CHP1: variants seen among roughly 807,000 people sequenced by gnomAD.
CHP1 encodes calcineurin like EF-hand protein 1.
In CHP1, 11 loss-of-function variants were observed where a neutral mutation model predicts 27.4. That is an observed-to-expected ratio of 0.40 (90% CI 0.25 to 0.67). The LOEUF (loss-of-function observed/expected upper bound fraction) is 0.67, where lower values mean the gene tolerates loss of function less well. Ranked by LOEUF, CHP1 falls within the 30% of genes least tolerant of loss-of-function variation. The probability of loss-of-function intolerance (pLI) is 0.38; values close to 1 mark genes in which losing one functional copy is unlikely to be tolerated. For missense variants in CHP1, 169 were observed against 251.3 expected (o/e 0.67, Z 2.22); for synonymous variants, 89 against 87.4 (o/e 1.02, Z -0.10).
intron 1 of CHP1, among the ~76,000 whole-genome samples, chr15:41,232,935 C>T (rs920950885): frequency 1.6e-4 from 24 of 152,186 alleles, no homozygotes; most frequent in African/African-American, 5.5e-4. Flanking sequence ...CCTTTCTGGA[C>T]TGGTTTGCTT....
intron 1 of CHP1, among the ~76,000 whole-genome samples, chr15:41,241,273 G>A (rs984777896): frequency 1.1e-4 from 16 of 152,208 alleles, no homozygotes; most frequent in Admixed American, 3.3e-4. Flanking sequence ...TAAAGAAAAC[G>A]GTTGTAACTG....
chr15:41,250,755 A>G (rs143768833), intron 2 of CHP1, among the ~76,000 whole-genome samples: 1 of 151,524 alleles, frequency 6.6e-6, no homozygotes, highest in Non-Finnish European at 1.5e-5. Flanking sequence ...TGAATAATAA[A>G]GAATACTTCA....
intron 4 of CHP1, 128 bp from the exon 5 acceptor site, chr15:41,270,429 T>C: frequency 1.5e-6 from 1 of 684,528 alleles, no homozygotes; most frequent in Non-Finnish European, 2.6e-6. Flanking sequence ...CTACAAGTAA[T>C]GGCAATTGTT....
chr15:41,260,343 T>C (rs1030841482), intron 3 of CHP1, among the ~76,000 whole-genome samples: 1 of 152,072 alleles, frequency 6.6e-6, no homozygotes, highest in African/African-American at 2.4e-5. Flanking sequence ...GAAAAGATTT[T>C]CTCCAAGCTT....
At chr15:41,255,656 G>T (rs904407790) in intron 2 of CHP1, among the ~76,000 whole-genome samples, 2 of 151,918 alleles carry the variant, frequency 1.3e-5, no homozygotes, top group Non-Finnish European at 2.9e-5. Context: ...GCCTGGGAGC[G>T]AAACTCCATC....
intron 1 of CHP1, 29 bp downstream of exon 1, chr15:41,231,478 G>T (rs751309535): frequency 7.0e-5 from 110 of 1,581,568 alleles, no homozygotes; most frequent in Non-Finnish European, 8.3e-5. Flanking sequence ...TGGGAACGCC[G>T]GGCGCCTCAG....
intron 5 of CHP1, among the ~76,000 whole-genome samples, chr15:41,271,745 C>G (rs1033453329): frequency 6.6e-6 from 1 of 152,180 alleles, no homozygotes; most frequent in Non-Finnish European, 1.5e-5. Context: ...GATTCAGGAG[C>G]AACCCAACGT....
chr15:41,263,285 G>A lies in CHP1; in HGVS notation c.349+402G>A, dbSNP rs187334686. Among the ~76,000 whole-genome samples the A allele has an allele frequency of 5.3e-5, 8 of 152,260 alleles. No individual in the cohort carries two copies. The East Asian group carries it at 1.5e-3, about 29-fold the overall frequency. On this transcript the variant is annotated intron_variant, in intron 4 of 6. Transcript: ENST00000334660. ...AGGCACTGTGTTAAGTGCTAGCATGGCAATAGTGAACAAGACCCAGGCCCC... is the reference window on the plus strand; with the variant it reads ...AGGCACTGTGTTAAGTGCTAGCATGACAATAGTGAACAAGACCCAGGCCCC...
intron 5 of CHP1, among the ~76,000 whole-genome samples, chr15:41,277,647 G>A (rs560057942): frequency 1.3e-5 from 2 of 152,266 alleles, no homozygotes; most frequent in East Asian, 3.9e-4. Context: ...AATTAGCTGG[G>A]TGTGGTGTCA....
chr15:41,245,334 G>T (rs1048392352), intron 2 of CHP1, among the ~76,000 whole-genome samples: 1 of 150,490 alleles, frequency 6.6e-6, no homozygotes, highest in East Asian at 1.9e-4. Context: ...GGTGGTGGGC[G>T]CCTGTGCGTG....
In CHP1 at chr15:41,280,362, G is replaced by T. The variant is rs1219997980; in HGVS notation, c.*973G>T. 6.6e-6 allele frequency: 1 copy of T among 152,516 alleles called. No individual in the cohort carries two copies. The highest frequency in any genetic ancestry group is 1.5e-5 in the Non-Finnish European group (1 of 68,052). The allele number at this position is 152,516 out of a possible 1,614,324, so 9.4% of individuals were successfully genotyped here. A position where few individuals can be genotyped will look rare whatever the true frequency, so the allele number is the denominator to read the frequency against. On this transcript the variant is annotated 3_prime_UTR_variant, in exon 7 of 7. Coordinates refer to ENST00000334660, the MANE Select transcript of CHP1 (RefSeq NM_007236.5). ...CTCATGGCTTTTATTTAATAAGGAG[G>T]CTGGGCACCCTATAAAGCCTCATGC... is the stretch of plus-strand genomic sequence containing the variant.
At chr15:41,233,168 C>A (rs956821272) in intron 1 of CHP1, among the ~76,000 whole-genome samples, 1 of 152,156 alleles carries the variant, frequency 6.6e-6, no homozygotes, top group Non-Finnish European at 1.5e-5. Flanking sequence ...CGTTTTGTGG[C>A]CATAACTTCT....
At chr15:41,260,353 T>G (rs1353344335) in intron 3 of CHP1, among the ~76,000 whole-genome samples, 1 of 151,806 alleles carries the variant, frequency 6.6e-6, no homozygotes, top group Non-Finnish European at 1.5e-5. Context: ...TCTCCAAGCT[T>G]AAGTACCAAA....
At chr15:41,256,723 A>C in intron 2 of CHP1, 187 bp from the exon 3 acceptor site, 3 of 590,690 alleles carry the variant, frequency 5.1e-6, no homozygotes, top group Non-Finnish European at 9.1e-6. Flanking sequence ...TCCACTTCTG[A>C]GTTGGTGCAA....
At chr15:41,240,754 A>T (rs748005126) in intron 1 of CHP1, among the ~76,000 whole-genome samples, 1,673 of 136,168 alleles carry the variant, frequency 0.012, 9 homozygotes, top group Non-Finnish European at 0.02. Context: ...ACTCTATCTC[A>T]AAAAAAAAAA....
chr15:41,247,391 C>T (rs1348427206), intron 2 of CHP1, among the ~76,000 whole-genome samples: 5 of 150,786 alleles, frequency 3.3e-5, no homozygotes, highest in African/African-American at 4.9e-5. Flanking sequence ...AAATTCTGGC[C>T]GGTTGTGGTG....
intron 3 of CHP1, among the ~76,000 whole-genome samples, chr15:41,258,628 G>A (rs747985140): frequency 5.9e-5 from 9 of 152,130 alleles, no homozygotes; most frequent in Non-Finnish European, 1.0e-4. Flanking sequence ...CATGAAACTA[G>A]TCTTTTGATA....
chr15:41,267,306 C>T (rs537423724), intron 4 of CHP1, among the ~76,000 whole-genome samples: 10 of 151,756 alleles, frequency 6.6e-5, no homozygotes, highest in South Asian at 6.2e-4. Context: ...CTTAATGCCA[C>T]GGAACTGTAC....
intron 1 of CHP1, among the ~76,000 whole-genome samples, chr15:41,243,065 C>T (rs1341816836): frequency 6.6e-6 from 1 of 152,146 alleles, no homozygotes; most frequent in African/African-American, 2.4e-5. Context: ...TTGGGCTGGG[C>T]ATGGTGGCTC....
Sources: gnomAD v4.1 joint callset for allele counts (sites outside exome capture counted in the v4.1 genomes callset) on GRCh38, gnomAD v4.1.1 for gene constraint, MANE v1.5 for transcripts, NCBI Gene and HGNC (gene_info 2026-07-23, HGNC 2026-07-21) for gene names.